EPAS1: variants seen among roughly 807,000 people sequenced by gnomAD.
EPAS1 encodes endothelial PAS domain protein 1.
A neutral mutation model predicts 87.9 loss-of-function variants in EPAS1; 23 were observed. The observed-to-expected ratio is 0.26, with a 90% CI of 0.19 to 0.37. The LOEUF (loss-of-function observed/expected upper bound fraction) is 0.37. EPAS1 is among the 10% of genes least tolerant of loss of function. The pLI is 1.00. For synonymous variants in EPAS1, 508 were observed against 444.3 expected, an observed-to-expected ratio of 1.14 and a Z score of -1.80; for missense variants, 1,138 against 1,120.7, an observed-to-expected ratio of 1.02 and a Z score of -0.22.
chr2:46,309,293 C>T lies in EPAS1; in HGVS notation c.26+11356C>T, dbSNP rs115291309. On this transcript the variant is annotated intron_variant, in intron 1 of 15. Transcript: ENST00000263734. ...TCCCAAATTCAGGTGCTATGCTGTA[C>T]GGTGAGGTTACAAAGAGGCATTAGA... is the stretch of plus-strand genomic sequence containing the variant. Among the ~76,000 whole-genome samples the T allele has an allele frequency of 2.9e-3, 438 of 152,290 alleles. 2 individuals carry two copies. Among genetic ancestry groups the T allele is most frequent in the African/African-American group, 1.0e-2 (414 of 41,550 alleles).
chr2:46,375,591 C>T lies in EPAS1; in HGVS notation c.887-99C>T. On this transcript the variant is annotated intron_variant, in intron 7 of 15. Coordinates refer to ENST00000263734, the MANE Select transcript of EPAS1 (RefSeq NM_001430.5). The surrounding 1 kb of genome is among the most constrained non-coding windows in gnomAD (Gnocchi z 4.1). ...GTCGTGGCGCCCTGTTCTGTCTGTT[C>T]CCCTGCAGATTAGACTGCCCTCCCA... 6.9e-7 allele frequency: 1 copy of T among 1,454,358 alleles called. No homozygotes were observed. The highest frequency in any genetic ancestry group is 1.2e-5 in the South Asian group (1 of 81,984). The allele number at this position is 1,454,358 out of a possible 1,614,324, so 90.1% of individuals were successfully genotyped here. A position where few individuals can be genotyped will look rare whatever the true frequency, so the allele number is the denominator to read the frequency against.
chr2:46,381,461 C>T (rs919003253), intron 12 of EPAS1, 135 bp from the exon 13 acceptor site: 2 of 1,430,958 alleles, frequency 1.4e-6, no homozygotes, highest in Non-Finnish European at 2.0e-6. Flanking sequence ...CAGCCTGCCT[C>T]TGAGACTCTG....
In EPAS1 at chr2:46,361,337, C is replaced by A. The variant is rs561992133; in HGVS notation, c.779+247C>A. On this transcript the variant is annotated intron_variant, in intron 6 of 15. Transcript: ENST00000263734. ...AGAGCTTTCCTGGTGTGCAACTCTTCTCATCATTGTGGTGTGAACATATTT... is the reference window on the plus strand; with the variant it reads ...AGAGCTTTCCTGGTGTGCAACTCTTATCATCATTGTGGTGTGAACATATTT... Among the ~76,000 whole-genome samples the A allele has an allele frequency of 4.9e-3, 742 of 152,314 alleles. 6 individuals are homozygous for A. The highest frequency in any genetic ancestry group is 0.017 in the African/African-American group (709 of 41,554).
intron 4 of EPAS1, among the ~76,000 whole-genome samples, chr2:46,357,633 C>A (rs182750291): frequency 6.6e-6 from 1 of 152,164 alleles, no homozygotes. Flanking sequence ...CTACACGAAG[C>A]CATGAGTGTC....
At chr2:46,312,015 A>G (rs1194586522) in intron 1 of EPAS1, among the ~76,000 whole-genome samples, 1 of 152,224 alleles carries the variant, frequency 6.6e-6, no homozygotes, top group Non-Finnish European at 1.5e-5. Flanking sequence ...GTATGGCTCC[A>G]AATATTACCA....
chr2:46,382,370 C>G, intron 14 of EPAS1, 55 bp from the exon 15 acceptor site: 121 of 1,591,656 alleles, frequency 7.6e-5, no homozygotes, highest in Non-Finnish European at 9.3e-5. Context: ...GGCTTCCTGG[C>G]CTCTCCCCTC....
At chr2:46,350,759 T>C (rs1460380365) in intron 2 of EPAS1, among the ~76,000 whole-genome samples, 1 of 152,250 alleles carries the variant, frequency 6.6e-6, no homozygotes, top group Non-Finnish European at 1.5e-5. Context: ...AACTCATACA[T>C]GGCGAAATCA....
intron 1 of EPAS1, among the ~76,000 whole-genome samples, chr2:46,342,644 G>C (rs1289409802): frequency 4.6e-5 from 7 of 152,156 alleles, no homozygotes; most frequent in Admixed American, 4.6e-4. Flanking sequence ...CCTCACTCCA[G>C]GCTGTGTTCA....
intron 1 of EPAS1, among the ~76,000 whole-genome samples, chr2:46,313,792 C>G (rs748887590): frequency 2.0e-4 from 30 of 152,186 alleles, no homozygotes; most frequent in Non-Finnish European, 3.7e-4. Context: ...GTCACCTTTG[C>G]TGCCCCCTAG....
chr2:46,333,278 AT>A (rs1356571810), intron 1 of EPAS1, among the ~76,000 whole-genome samples: 1 of 152,142 alleles, frequency 6.6e-6, no homozygotes, highest in Non-Finnish European at 1.5e-5. Context: ...GTATGACACT[AT>A]TATTGTTGGA....
chr2:46,353,585 C>G (rs1684213128), intron 2 of EPAS1, among the ~76,000 whole-genome samples: 1 of 152,206 alleles, frequency 6.6e-6, no homozygotes, highest in African/African-American at 2.4e-5. Flanking sequence ...TTTGAAAGCA[C>G]TGAGTTAAGT....
At chr2:46,361,238 C>G in intron 6 of EPAS1, 148 bp downstream of exon 6, 2 of 889,394 alleles carry the variant, frequency 2.2e-6, no homozygotes, top group South Asian at 3.1e-5. Context: ...TGTTTCATTG[C>G]ATCAGTGCCC....
intron 11 of EPAS1, among the ~76,000 whole-genome samples, chr2:46,379,220 A>G (rs1482400371): frequency 6.6e-6 from 1 of 152,252 alleles, no homozygotes; most frequent in African/African-American, 2.4e-5. Context: ...TTTCATTTAC[A>G]TAAAACTTTT....
chr2:46,356,900 C>A, intron 4 of EPAS1, 92 bp downstream of exon 4: 1 of 920,474 alleles, frequency 1.1e-6, no homozygotes, highest in Non-Finnish European at 1.8e-6. Context: ...TAGCTCATGG[C>A]CCTTGTGATG....
In EPAS1 at chr2:46,347,058, C is replaced by T. The variant is rs768904114; in HGVS notation, c.212C>T (p.Ser71Phe). ...ISFLRTHKLL[S>F]SVCSENESEA... ...TTCCTGCGAACACACAAGCTCCTCTCCTCAGGTAAGGCCAGCAGGCTCCCC... is the reference window on the plus strand; with the variant it reads ...TTCCTGCGAACACACAAGCTCCTCTTCTCAGGTAAGGCCAGCAGGCTCCCC... Residue 71 changes from serine (S) to phenylalanine (F), a missense_variant, in exon 2 of 16, where the codon TCC becomes TTC. By Grantham distance (155) the Ser-to-Phe change is radical. This residue lies in a region of EPAS1 where 351 missense variants were observed against 417.1 expected (regional missense o/e 0.84). Coordinates refer to ENST00000263734, the MANE Select transcript of EPAS1 (RefSeq NM_001430.5). The surrounding 1 kb of genome is among the most constrained non-coding windows in gnomAD (Gnocchi z 4.2). The T allele has an allele frequency of 6.2e-7, 1 of 1,614,246 alleles. No individual in the cohort carries two copies. The highest frequency in any genetic ancestry group is 1.1e-5 in the South Asian group (1 of 91,088).
intron 1 of EPAS1, 148 bp downstream of exon 1, chr2:46,298,085 C>G: frequency 9.8e-7 from 1 of 1,017,066 alleles, no homozygotes; most frequent in East Asian, 2.6e-5. Context: ...AGGGGGAGAG[C>G]ATGTGCCCGG....
At chr2:46,377,079 C>T (rs569759486) in intron 9 of EPAS1, among the ~76,000 whole-genome samples, 1 of 152,338 alleles carries the variant, frequency 6.6e-6, no homozygotes, top group East Asian at 1.9e-4. Flanking sequence ...GAGGGATCTG[C>T]TCCGAGGCCA....
chr2:46,309,776 G>C (rs964711031), intron 1 of EPAS1, among the ~76,000 whole-genome samples: 1 of 152,200 alleles, frequency 6.6e-6, no homozygotes, highest in African/African-American at 2.4e-5. Flanking sequence ...ACCAGGCCTG[G>C]GCTGGTGTTG....
At chr2:46,349,272 T>C (rs993805016) in intron 2 of EPAS1, among the ~76,000 whole-genome samples, 1 of 152,178 alleles carries the variant, frequency 6.6e-6, no homozygotes, top group African/African-American at 2.4e-5. Context: ...TTTTGCATGC[T>C]TGCCCTCCTG....
Sources: allele counts gnomAD v4.1 joint callset (sites outside exome capture counted in the v4.1 genomes callset), GRCh38; gene constraint gnomAD v4.1.1; regional missense constraint gnomAD v4.1.1; non-coding constraint Gnocchi (gnomAD v3.1); transcripts MANE v1.5; gene names NCBI Gene and HGNC (gene_info 2026-07-23, HGNC 2026-07-21).